GALNT13: variants seen among roughly 807,000 people sequenced by gnomAD.
The protein encoded by GALNT13 is polypeptide N-acetylgalactosaminyltransferase 13.
In GALNT13, 28 loss-of-function variants were observed where a neutral mutation model predicts 64.2. That is an observed-to-expected ratio of 0.44 (90% CI 0.32 to 0.60). The LOEUF is 0.60. Among genes scored for constraint, GALNT13 ranks in the 20% least tolerant of loss-of-function variants. The pLI, the probability that GALNT13 is intolerant of heterozygous loss-of-function variation, is 0.05. For synonymous variants in GALNT13, 214 were observed against 224.6 expected (o/e 0.95, Z 0.42); for missense variants, 577 against 669.8 (o/e 0.86, Z 1.53).
At chr2:153,092,387 G>T in the GALNT13 span, among the ~76,000 whole-genome samples, 1 of 152,022 alleles carries the variant, frequency 6.6e-6, no homozygotes, top group Admixed American at 6.6e-5. Context: ...AATATCATTT[G>T]TATTTTGATA....
intron 9 of GALNT13, among the ~76,000 whole-genome samples, chr2:154,370,030 C>G (rs1014188032): frequency 3.3e-5 from 5 of 152,052 alleles, no homozygotes; most frequent in African/African-American, 9.7e-5. Flanking sequence ...GCCATGAATC[C>G]TATTGGATTG....
chr2:153,904,063 A>G (rs778951990), intron 2 of GALNT13, among the ~76,000 whole-genome samples: 3 of 152,028 alleles, frequency 2.0e-5, no homozygotes, highest in Non-Finnish European at 4.4e-5. Context: ...ATTAATGTAC[A>G]TAATATTCAT....
At chr2:153,409,104 T>C in the GALNT13 span, among the ~76,000 whole-genome samples, 21,455 of 151,954 alleles carry the variant, frequency 0.14, 1,872 homozygotes, top group Non-Finnish European at 0.19. Context: ...CTTGGGCTTT[T>C]GGCCACAGAT....
chr2:153,630,860 G>A, the GALNT13 span, among the ~76,000 whole-genome samples: 3 of 108,130 alleles, frequency 2.8e-5, no homozygotes, highest in Admixed American at 1.1e-4. Context: ...TGTGCACAAC[G>A]TGCAGTTTGT....
the GALNT13 span, among the ~76,000 whole-genome samples, chr2:153,526,094 G>A: frequency 2.0e-5 from 3 of 152,384 alleles, 1 homozygote; most frequent in African/African-American, 7.2e-5. Context: ...CTCCTGGATG[G>A]CACTCTAGAC....
At chr2:153,637,970 G>T in the GALNT13 span, among the ~76,000 whole-genome samples, 117 of 152,236 alleles carry the variant, frequency 7.7e-4, 1 homozygote, top group Middle Eastern at 6.8e-3. Context: ...AATTAAGCAG[G>T]GGAGGGATTA....
chr2:153,296,000 G>C, the GALNT13 span, among the ~76,000 whole-genome samples: 2 of 152,132 alleles, frequency 1.3e-5, no homozygotes, highest in South Asian at 4.1e-4. Flanking sequence ...CTACACATTA[G>C]AGCGCCCACT....
the GALNT13 span, among the ~76,000 whole-genome samples, chr2:153,373,099 C>T: frequency 2.6e-5 from 4 of 151,620 alleles, no homozygotes; most frequent in African/African-American, 9.7e-5. Context: ...TGTGAAATCT[C>T]AGTTTATAGC....
intron 3 of GALNT13, among the ~76,000 whole-genome samples, chr2:154,078,825 T>G (rs1320752086): frequency 6.6e-6 from 1 of 151,596 alleles, no homozygotes; most frequent in Admixed American, 6.6e-5. Context: ...GCCAGATCAC[T>G]TGTGTTTAAA....
the GALNT13 span, among the ~76,000 whole-genome samples, chr2:153,435,756 A>G: frequency 6.6e-6 from 1 of 152,178 alleles, no homozygotes; most frequent in African/African-American, 2.4e-5. Context: ...CTAGATACAC[A>G]GTCATGTCGT....
At chr2:153,903,014 C>T (rs1688334367) in intron 2 of GALNT13, among the ~76,000 whole-genome samples, 1 of 152,020 alleles carries the variant, frequency 6.6e-6, no homozygotes, top group South Asian at 2.1e-4. Context: ...ATTTTGTTTA[C>T]AGAGTTTACC....
chr2:153,741,739 G>T, the GALNT13 span, among the ~76,000 whole-genome samples: 1 of 152,062 alleles, frequency 6.6e-6, no homozygotes, highest in Non-Finnish European at 1.5e-5. Context: ...ATTTTCCCTA[G>T]AAATGTGACT....
chr2:154,437,852 T>TA (rs10714112), intron 11 of GALNT13: 56 of 116,734 alleles, frequency 4.8e-4, no homozygotes, highest in South Asian at 2.8e-3. Context: ...AGACTCCATC[T>TA]AAAAAAAAAA....
chr2:153,615,314 T>C, the GALNT13 span, among the ~76,000 whole-genome samples: 1 of 152,130 alleles, frequency 6.6e-6, no homozygotes, highest in Non-Finnish European at 1.5e-5. Flanking sequence ...TCAGCTATTG[T>C]AAACAATGCT....
intron 3 of GALNT13, among the ~76,000 whole-genome samples, chr2:154,125,815 A>C (rs952297742): frequency 3.9e-5 from 6 of 152,178 alleles, no homozygotes; most frequent in African/African-American, 1.4e-4. Flanking sequence ...CTACAGGAAA[A>C]CTAAATTTTA....
At chr2:154,312,792 T>C (rs772406624) in intron 9 of GALNT13, among the ~76,000 whole-genome samples, 1 of 152,236 alleles carries the variant, frequency 6.6e-6, no homozygotes, top group East Asian at 1.9e-4. Context: ...CAGTGGTCTC[T>C]CCGGGCCATA....
the GALNT13 span, among the ~76,000 whole-genome samples, chr2:153,283,006 G>C: frequency 3.3e-5 from 5 of 152,148 alleles, no homozygotes; most frequent in East Asian, 9.6e-4. Flanking sequence ...GACACTTATG[G>C]GTAAGTAACA....
the GALNT13 span, among the ~76,000 whole-genome samples, chr2:153,462,754 C>T: frequency 6.6e-6 from 1 of 152,114 alleles, no homozygotes; most frequent in Non-Finnish European, 1.5e-5. Context: ...GTTCAAAAGA[C>T]TTGTCTTGCA....
At chr2:153,463,843 T>C in the GALNT13 span, among the ~76,000 whole-genome samples, 2 of 151,910 alleles carry the variant, frequency 1.3e-5, 1 homozygote, top group South Asian at 4.1e-4. Context: ...TGTTCCAAAG[T>C]GGTATTTTAT....
Sources: allele counts gnomAD v4.1 joint callset (sites outside exome capture counted in the v4.1 genomes callset), GRCh38; gene constraint gnomAD v4.1.1; transcripts MANE v1.5; gene names NCBI Gene and HGNC (gene_info 2026-07-23, HGNC 2026-07-21).